CDK8: variants seen among roughly 807,000 people sequenced by gnomAD.
CDK8 encodes the protein cyclin dependent kinase 8, also known as cyclin-dependent kinase 8.
CDK8 carries 29 observed loss-of-function variants against 71.5 expected under a neutral mutation model. The observed-to-expected ratio is 0.41, with a 90% CI of 0.30 to 0.55. The LOEUF is 0.55. CDK8 is among the 20% of genes least tolerant of loss of function. The pLI, the probability that CDK8 is intolerant of heterozygous loss-of-function variation, is 0.37. For missense variants in CDK8, 288 were observed against 572.6 expected, an observed-to-expected ratio of 0.50 and a Z score of 5.07; for synonymous variants, 161 against 192.1, an observed-to-expected ratio of 0.84 and a Z score of 1.34.
chr13:26,318,888 T>C (rs1359860905), intron 1 of CDK8, among the ~76,000 whole-genome samples: 1 of 152,236 alleles, frequency 6.6e-6, no homozygotes, highest in Non-Finnish European at 1.5e-5. Context: ...GCACTTTTCC[T>C]CTAGTACCAG....
intron 1 of CDK8, among the ~76,000 whole-genome samples, chr13:26,285,986 A>G (rs751830902): frequency 6.6e-6 from 1 of 152,262 alleles, no homozygotes; most frequent in Non-Finnish European, 1.5e-5. Context: ...GAAAACTGCA[A>G]AACATTGCTG....
chr13:26,286,827 A>G (rs1489441521), intron 1 of CDK8, among the ~76,000 whole-genome samples: 3 of 152,238 alleles, frequency 2.0e-5, no homozygotes, highest in African/African-American at 7.2e-5. Flanking sequence ...AATCCCATCA[A>G]AAAGTGGGCA....
intron 1 of CDK8, among the ~76,000 whole-genome samples, chr13:26,300,250 A>G (rs1176071679): frequency 6.6e-6 from 1 of 152,130 alleles, no homozygotes; most frequent in Non-Finnish European, 1.5e-5. Flanking sequence ...CATGAACTTC[A>G]TATAAACTAT....
intron 6 of CDK8, among the ~76,000 whole-genome samples, chr13:26,389,477 T>C (rs1292487431): frequency 1.3e-5 from 2 of 151,966 alleles, no homozygotes; most frequent in Non-Finnish European, 2.9e-5. Flanking sequence ...TTTAAGCTTT[T>C]AAATAAAAAC....
intron 1 of CDK8, among the ~76,000 whole-genome samples, chr13:26,314,904 T>G (rs1318602784): frequency 6.6e-6 from 1 of 152,190 alleles, no homozygotes; most frequent in East Asian, 1.9e-4. Context: ...TTTAGAAGTA[T>G]TTAGTTCTTT....
At chr13:26,338,078 C>T (rs749250721) in intron 2 of CDK8, among the ~76,000 whole-genome samples, 8 of 151,742 alleles carry the variant, frequency 5.3e-5, no homozygotes, top group Non-Finnish European at 1.2e-4. Context: ...ACATTTATGC[C>T]CTTTTATTTT....
intron 1 of CDK8, among the ~76,000 whole-genome samples, chr13:26,317,301 A>T (rs1464414333): frequency 6.6e-6 from 1 of 152,232 alleles, no homozygotes; most frequent in Non-Finnish European, 1.5e-5. Flanking sequence ...GTACCTAATG[A>T]CAGACCATCA....
At chr13:26,334,669 C>T (rs939924362) in intron 1 of CDK8, among the ~76,000 whole-genome samples, 6 of 152,022 alleles carry the variant, frequency 3.9e-5, no homozygotes, top group South Asian at 4.2e-4. Context: ...GTTGTAAAAA[C>T]AAAGATAAAG....
intron 6 of CDK8, 75 bp downstream of exon 6, chr13:26,385,417 A>G (rs1011767644): frequency 1.5e-5 from 19 of 1,227,934 alleles, no homozygotes; most frequent in Non-Finnish European, 2.0e-5. Context: ...TATATTTTTA[A>G]ATTAAGTAGT....
chr13:26,260,201 G>A (rs1871709574), intron 1 of CDK8, among the ~76,000 whole-genome samples: 3 of 152,022 alleles, frequency 2.0e-5, no homozygotes, highest in African/African-American at 4.8e-5. Context: ...CATTTTTTGA[G>A]TTCTTGCTGT....
chr13:26,386,404 A>G (rs1404185212), intron 6 of CDK8, among the ~76,000 whole-genome samples: 1 of 151,836 alleles, frequency 6.6e-6, no homozygotes, highest in African/African-American at 2.4e-5. Context: ...TTGTGTCTTT[A>G]TGGTTTCCTT....
chr13:26,367,385 A>G (rs1565988033), intron 4 of CDK8, among the ~76,000 whole-genome samples: 1 of 149,350 alleles, frequency 6.7e-6, no homozygotes, highest in South Asian at 2.1e-4. Context: ...TCCTTGAATA[A>G]TTTTTTTTTT....
chr13:26,262,792 T>G (rs1240733787), intron 1 of CDK8, among the ~76,000 whole-genome samples: 2 of 152,266 alleles, frequency 1.3e-5, no homozygotes, highest in East Asian at 3.8e-4. Context: ...CACTGGTCTG[T>G]ATAGCATGAT....
intron 4 of CDK8, among the ~76,000 whole-genome samples, chr13:26,370,521 C>T (rs1389451456): frequency 6.6e-6 from 1 of 152,164 alleles, no homozygotes; most frequent in Non-Finnish European, 1.5e-5. Flanking sequence ...AAGTATGTAT[C>T]CCCTGTTTCA....
chr13:26,342,719 TA>T (rs1005361543), intron 2 of CDK8, among the ~76,000 whole-genome samples: 27 of 152,156 alleles, frequency 1.8e-4, no homozygotes, highest in African/African-American at 6.5e-4. Context: ...TATGTCTCCC[TA>T]AAAACAACAA....
rs573633904 is a variant in CDK8 at position 26,371,870 on chromosome 13, A to C, written c.457-10944A>C. Among the ~76,000 whole-genome samples, 44 of 152,240 alleles carry C rather than the reference A, an allele frequency of 2.9e-4. 2 individuals are homozygous for C. In the South Asian group the frequency reaches 8.9e-3, roughly 31 times the overall value. ...TGACCTCAAGTTATCCGCCCGCCTC[A>C]GCCTCCCAAAGTGCTGAGATTACGA... On this transcript the variant is annotated intron_variant, in intron 4 of 12. Coordinates refer to ENST00000381527, the MANE Select transcript of CDK8 (RefSeq NM_001260.3).
At chr13:26,396,711 A>G (rs898266629) in intron 8 of CDK8, among the ~76,000 whole-genome samples, 2 of 152,270 alleles carry the variant, frequency 1.3e-5, no homozygotes, top group African/African-American at 2.4e-5. Context: ...AATCTAGGTT[A>G]CAGTAATTTT....
At chr13:26,278,534 A>T (rs1252020723) in intron 1 of CDK8, among the ~76,000 whole-genome samples, 9 of 152,174 alleles carry the variant, frequency 5.9e-5, no homozygotes, top group Non-Finnish European at 1.3e-4. Flanking sequence ...AGTGCCATTA[A>T]CTGAGAGATG....
rs1227344754 is a variant in CDK8, at chr13:26,336,550, C to CTTTTT, written c.129-1000_129-996dup. 2.6e-3 allele frequency among the ~76,000 whole-genome samples: 315 copies of CTTTTT among 121,176 alleles called. 7 individuals carry two copies. The highest frequency in any genetic ancestry group is 9.1e-3 in the African/African-American group (283 of 31,100). The allele number at this position is 121,176 out of a possible 152,430, so 79.5% of individuals were successfully genotyped here. A position where few individuals can be genotyped will look rare whatever the true frequency, so the allele number is the denominator to read the frequency against. On this transcript the variant is annotated intron_variant, in intron 1 of 12. Coordinates refer to ENST00000381527, the MANE Select transcript of CDK8 (RefSeq NM_001260.3). ...TCAGATGGCATTTTCTCTGAGGAGT[C>CTTTTT]TTTTTTTTTTTTTTTTTTTTTGAGA...
Sources: allele counts gnomAD v4.1 joint callset (sites outside exome capture counted in the v4.1 genomes callset), GRCh38; gene constraint gnomAD v4.1.1; transcripts MANE v1.5; gene names NCBI Gene and HGNC (gene_info 2026-07-23, HGNC 2026-07-21).